Variants in GPHN observed in about 807,000 individuals in gnomAD.
GPHN encodes the protein gephyrin.
GPHN carries 17 observed loss-of-function variants against 95.5 expected under a neutral mutation model. That is an observed-to-expected ratio of 0.18 (90% confidence interval 0.12 to 0.27). The LOEUF (loss-of-function observed/expected upper bound fraction) is 0.27. GPHN is among the 10% of genes least tolerant of loss of function. GPHN has a pLI of 1.00. For synonymous variants in GPHN, 320 were observed against 322.5 expected (o/e 0.99, Z 0.08); for missense variants, 660 against 978.1 (o/e 0.67, Z 4.34).
intron 9 of GPHN, among the ~76,000 whole-genome samples, chr14:67,011,957 C>G (rs2073040785): frequency 6.6e-6 from 1 of 152,066 alleles, no homozygotes; most frequent in African/African-American, 2.4e-5. Flanking sequence ...TGTGTCATAC[C>G]TCTATACTAG....
the GPHN span, chr14:67,312,739 A>T: frequency 2.7e-6 from 4 of 1,464,854 alleles, no homozygotes; most frequent in Non-Finnish European, 3.6e-6. Flanking sequence ...GAAAGTACAT[A>T]ATATTAAAAG....
At chr14:67,056,496 A>T (rs2075574456) in intron 10 of GPHN, among the ~76,000 whole-genome samples, 1 of 152,156 alleles carries the variant, frequency 6.6e-6, no homozygotes, top group Non-Finnish European at 1.5e-5. Context: ...CGCTAGCTAG[A>T]CATAAAAGTT....
chr14:67,180,085 C>T (rs1049388540), intron 22 of GPHN, among the ~76,000 whole-genome samples: 5 of 152,144 alleles, frequency 3.3e-5, no homozygotes, highest in Non-Finnish European at 7.4e-5. Flanking sequence ...CTCTACCATA[C>T]GCTAGTTATT....
At chr14:67,490,397 G>A in the GPHN span, among the ~76,000 whole-genome samples, 1 of 152,324 alleles carries the variant, frequency 6.6e-6, no homozygotes. Context: ...ACTGGGGCAG[G>A]AACAGACTGT....
At chr14:67,505,536 GAACT>G in the GPHN span, among the ~76,000 whole-genome samples, 1 of 152,110 alleles carries the variant, frequency 6.6e-6, no homozygotes, top group Non-Finnish European at 1.5e-5. Context: ...TTGTTTCCTT[GAACT>G]AATGTGGGCC....
intron 3 of GPHN, among the ~76,000 whole-genome samples, chr14:66,792,207 A>G (rs185351545): frequency 1.3e-5 from 2 of 152,290 alleles, no homozygotes; most frequent in African/African-American, 4.8e-5. Context: ...GCAGCCCTGT[A>G]CGTCTCAGCC....
chr14:66,967,522 G>A (rs983939460), intron 9 of GPHN, among the ~76,000 whole-genome samples: 3 of 151,758 alleles, frequency 2.0e-5, no homozygotes, highest in African/African-American at 7.2e-5. Context: ...GACCAGAAGT[G>A]TTTCAGATTT....
intron 21 of GPHN, among the ~76,000 whole-genome samples, chr14:67,173,223 C>CT (rs1395803177): frequency 1.3e-5 from 2 of 152,202 alleles, no homozygotes; most frequent in Admixed American, 1.3e-4. Flanking sequence ...CACATCCACT[C>CT]TAAGCACCTG....
At chr14:67,670,375 A>G in the GPHN span, among the ~76,000 whole-genome samples, 1 of 152,022 alleles carries the variant, frequency 6.6e-6, no homozygotes, top group Non-Finnish European at 1.5e-5. Flanking sequence ...CAGAGTTGGG[A>G]GTATTCCATG....
chr14:66,871,675 CAG>C (rs1172848368), intron 4 of GPHN, among the ~76,000 whole-genome samples: 1 of 151,888 alleles, frequency 6.6e-6, no homozygotes, highest in Non-Finnish European at 1.5e-5. Context: ...AACACAGGAA[CAG>C]AAAATCAAAC....
intron 8 of GPHN, among the ~76,000 whole-genome samples, chr14:66,929,607 A>G (rs535806412): frequency 6.7e-6 from 1 of 149,340 alleles, no homozygotes; most frequent in Non-Finnish European, 1.5e-5. Flanking sequence ...CTTAAAATCT[A>G]TTTTTTCTGA....
chr14:67,462,991 C>T, the GPHN span, among the ~76,000 whole-genome samples: 1 of 152,174 alleles, frequency 6.6e-6, no homozygotes, highest in Non-Finnish European at 1.5e-5. Flanking sequence ...TCCTGATTTG[C>T]CTGGTTTTGC....
At chr14:66,517,319 G>T (rs749012413) in intron 1 of GPHN, among the ~76,000 whole-genome samples, 31 of 152,114 alleles carry the variant, frequency 2.0e-4, no homozygotes, top group South Asian at 1.0e-3. Context: ...CATCCACATT[G>T]TAGAAGTTAC....
At chr14:66,618,775 C>T (rs1286534744) in intron 1 of GPHN, among the ~76,000 whole-genome samples, 6 of 152,142 alleles carry the variant, frequency 3.9e-5, no homozygotes, top group African/African-American at 1.4e-4. Flanking sequence ...GTAGACATGA[C>T]ATGCAATAAA....
At chr14:67,312,509 G>A in the GPHN span, 8 of 1,490,712 alleles carry the variant, frequency 5.4e-6, no homozygotes, top group Middle Eastern at 1.8e-4. Flanking sequence ...TGTTGTTTTT[G>A]CCCTTTTTAT....
chr14:66,572,072 G>A (rs1460092551), intron 1 of GPHN, among the ~76,000 whole-genome samples: 6 of 152,096 alleles, frequency 3.9e-5, no homozygotes, highest in South Asian at 2.1e-4. Context: ...GTCAAAAATC[G>A]GTTGACTTAT....
At chr14:67,631,430 C>CT in the GPHN span, among the ~76,000 whole-genome samples, 11,363 of 126,408 alleles carry the variant, frequency 0.09, 696 homozygotes, top group Non-Finnish European at 0.098. Flanking sequence ...TCCTTTCTTT[C>CT]TTTCTTTTTT....
At chr14:67,439,569 CT>C in the GPHN span, among the ~76,000 whole-genome samples, 2 of 138,708 alleles carry the variant, frequency 1.4e-5, no homozygotes, top group South Asian at 2.3e-4. Context: ...TTCTTTCTTT[CT>C]TTCTTTCTTT....
At chr14:67,039,806 A>G (rs1567241772) in intron 10 of GPHN, among the ~76,000 whole-genome samples, 1 of 152,086 alleles carries the variant, frequency 6.6e-6, no homozygotes, top group Non-Finnish European at 1.5e-5. Flanking sequence ...ACAAAACAAA[A>G]CCTCACTCAC....
Sources: allele counts gnomAD v4.1 joint callset (sites outside exome capture counted in the v4.1 genomes callset), GRCh38; gene constraint gnomAD v4.1.1; transcripts MANE v1.5; gene names NCBI Gene and HGNC (gene_info 2026-07-23, HGNC 2026-07-21).